Variants in ALMS1 observed in about 807,000 individuals in gnomAD.
The protein encoded by ALMS1 is ALMS1 centrosome and basal body associated protein, also known as centrosome-associated protein ALMS1.
In ALMS1, 271 loss-of-function variants were observed where a neutral mutation model predicts 352.2. That is an observed-to-expected ratio of 0.77 (90% CI 0.70 to 0.85). The LOEUF is 0.85. Among genes scored for constraint, ALMS1 ranks in the 40% least tolerant of loss-of-function variants. The pLI, the probability that ALMS1 is intolerant of heterozygous loss-of-function variation, is 0.00. For missense variants in ALMS1, 5,445 were observed against 4,870.7 expected, an observed-to-expected ratio of 1.12 and a Z score of -3.51; for synonymous variants, 1,865 against 1,761.2, an observed-to-expected ratio of 1.06 and a Z score of -1.48.
chr2:73,579,611 C>T (rs1195046951), intron 16 of ALMS1, among the ~76,000 whole-genome samples: 3 of 152,256 alleles, frequency 2.0e-5, no homozygotes, highest in Non-Finnish European at 4.4e-5. Flanking sequence ...CCACCCACCT[C>T]GGCCTCCCAA....
intron 10 of ALMS1, among the ~76,000 whole-genome samples, chr2:73,517,412 C>T (rs1489560762): frequency 6.6e-6 from 1 of 151,550 alleles, no homozygotes; most frequent in Admixed American, 6.6e-5. Flanking sequence ...TGCCACTGTG[C>T]CTATTTTTTT....
intron 13 of ALMS1, among the ~76,000 whole-genome samples, chr2:73,551,451 T>C (rs1390652929): frequency 2.1e-5 from 3 of 145,036 alleles, no homozygotes; most frequent in African/African-American, 7.6e-5. Flanking sequence ...TTTTTTTTTT[T>C]TTGAGTTGGA....
intron 9 of ALMS1, among the ~76,000 whole-genome samples, chr2:73,466,048 A>C (rs1257555540): frequency 1.3e-5 from 2 of 152,172 alleles, no homozygotes; most frequent in Admixed American, 6.5e-5. Flanking sequence ...ACTATAAACT[A>C]GTTCAACCAC....
chr2:73,457,968 G>C (rs1672106335), intron 9 of ALMS1: 1 of 135,118 alleles, frequency 7.4e-6, no homozygotes, highest in Non-Finnish European at 1.5e-5. Flanking sequence ...GGGAGGTGGA[G>C]ATTGTAGTGA....
At chr2:73,557,804 C>T (rs956884918) in intron 14 of ALMS1, among the ~76,000 whole-genome samples, 1 of 152,112 alleles carries the variant, frequency 6.6e-6, no homozygotes, top group African/African-American at 2.4e-5. Flanking sequence ...AGTGTATTTA[C>T]GTTAGGATTA....
In ALMS1 at chr2:73,448,352, G is replaced by A. The variant is rs1014990709; in HGVS notation, c.1825G>A (p.Asp609Asn). 6.2e-7 allele frequency: 1 copy of A among 1,614,038 alleles called. No homozygotes were observed. The change falls in exon 8 of 23, where the codon GAC (aspartate) becomes AAC (asparagine). Residue 609 changes from aspartate to asparagine, a missense_variant. By Grantham distance (23) the Asp-to-Asn change is conservative. Coordinates refer to ENST00000613296, the MANE Select transcript of ALMS1 (RefSeq NM_001378454.1). ...LKVSAAPGLADQTTGMSTLTS... is the reference protein window; with the variant it reads ...LKVSAAPGLANQTTGMSTLTS... ...AGTTTCAGCTGCTCCTGGACTAGCT[G>A]ACCAGACAACTGGCATGTCAACTCT...
chr2:73,525,310 A>T (rs759130024), intron 11 of ALMS1, among the ~76,000 whole-genome samples: 2 of 152,194 alleles, frequency 1.3e-5, no homozygotes, highest in Non-Finnish European at 2.9e-5. Context: ...TTGCTGGATC[A>T]TATGTTAGCT....
chr2:73,523,810 G>C (rs939034540), intron 11 of ALMS1, among the ~76,000 whole-genome samples: 4 of 151,864 alleles, frequency 2.6e-5, no homozygotes, highest in African/African-American at 9.7e-5. Flanking sequence ...TTCCAGAGGA[G>C]AGCTCATTCT....
intron 10 of ALMS1, among the ~76,000 whole-genome samples, chr2:73,509,804 C>T (rs1673411812): frequency 6.6e-6 from 1 of 152,144 alleles, no homozygotes; most frequent in Non-Finnish European, 1.5e-5. Context: ...GAATGTTGGT[C>T]AGTCTTGCTA....
chr2:73,601,145 C>A (rs758009307), intron 18 of ALMS1, 50 bp from the exon 19 acceptor site: 1 of 1,612,742 alleles, frequency 6.2e-7, no homozygotes. Context: ...CTGGGTGGGG[C>A]TGTAAAAAAG....
intron 12 of ALMS1, among the ~76,000 whole-genome samples, chr2:73,535,689 A>G (rs1174449349): frequency 6.6e-6 from 1 of 152,182 alleles, no homozygotes; most frequent in Admixed American, 6.5e-5. Context: ...GAGTTAGGAA[A>G]TGAATAATAC....
chr2:73,552,039 A>G (rs1674447489), intron 13 of ALMS1, among the ~76,000 whole-genome samples: 2 of 151,956 alleles, frequency 1.3e-5, no homozygotes, highest in Non-Finnish European at 2.9e-5. Flanking sequence ...TGAGATCTGC[A>G]TGGTTTTTTT....
chr2:73,420,662 T>C (rs892609606), intron 3 of ALMS1, among the ~76,000 whole-genome samples: 4 of 152,196 alleles, frequency 2.6e-5, no homozygotes, highest in Non-Finnish European at 5.9e-5. Flanking sequence ...GTATTAGGAT[T>C]TTAGCACTGG....
intron 10 of ALMS1, among the ~76,000 whole-genome samples, chr2:73,518,560 G>A (rs1266140140): frequency 6.6e-6 from 1 of 152,092 alleles, no homozygotes; most frequent in African/African-American, 2.4e-5. Context: ...TACAATGGTT[G>A]AACTAATTTA....
chr2:73,402,021 G>A (rs1298627008), intron 1 of ALMS1, among the ~76,000 whole-genome samples: 1 of 145,598 alleles, frequency 6.9e-6, no homozygotes, highest in Non-Finnish European at 1.5e-5. Context: ...TCGTGTGTAT[G>A]TGTGTGTGTG....
intron 11 of ALMS1, among the ~76,000 whole-genome samples, chr2:73,525,781 G>A (rs1269618349): frequency 6.6e-6 from 1 of 152,028 alleles, no homozygotes; most frequent in Admixed American, 6.6e-5. Context: ...TTAACTTGAT[G>A]TGATCACATT....
intron 21 of ALMS1, among the ~76,000 whole-genome samples, chr2:73,606,074 G>T (rs1248978927): frequency 6.6e-6 from 1 of 152,120 alleles, no homozygotes; most frequent in Non-Finnish European, 1.5e-5. Context: ...CATTAAACCA[G>T]ACATTAAAGA....
At chr2:73,582,733 T>C (rs1285494718) in intron 16 of ALMS1, among the ~76,000 whole-genome samples, 1 of 152,246 alleles carries the variant, frequency 6.6e-6, no homozygotes, top group African/African-American at 2.4e-5. Context: ...CTGTATGATA[T>C]TCTACTGTTT....
At chr2:73,581,923 T>A (rs1367413955) in intron 16 of ALMS1, among the ~76,000 whole-genome samples, 1 of 152,124 alleles carries the variant, frequency 6.6e-6, no homozygotes, top group Non-Finnish European at 1.5e-5. Flanking sequence ...TTTTGTATTT[T>A]AGTAGAGACA....
Sources: allele counts gnomAD v4.1 joint callset (sites outside exome capture counted in the v4.1 genomes callset), GRCh38; gene constraint gnomAD v4.1.1; transcripts MANE v1.5; gene names NCBI Gene and HGNC (gene_info 2026-07-23, HGNC 2026-07-21).